SLTM: variants seen among roughly 807,000 people sequenced by gnomAD.
SLTM encodes SAFB like transcription modulator, also known as SAFB-like transcription modulator.
Under a neutral mutation model 134.6 loss-of-function variants are expected in SLTM, and 43 were observed. The observed-to-expected ratio is 0.32, with a 90% confidence interval of 0.25 to 0.41. The LOEUF (loss-of-function observed/expected upper bound fraction) is 0.41. Ranked by LOEUF, SLTM falls within the 10% of genes least tolerant of loss-of-function variation. The probability of loss-of-function intolerance (pLI) is 1.00; values close to 1 mark genes in which losing one functional copy is unlikely to be tolerated. For synonymous variants in SLTM, 424 were observed against 432.3 expected, an observed-to-expected ratio of 0.98 and a Z score of 0.24; for missense variants, 1,055 against 1,288.8, an observed-to-expected ratio of 0.82 and a Z score of 2.78.
At chr15:58,915,338 T>C (rs2036560777) in intron 3 of SLTM, among the ~76,000 whole-genome samples, 2 of 152,246 alleles carry the variant, frequency 1.3e-5, no homozygotes, top group Non-Finnish European at 2.9e-5. Context: ...TTCGTCTCAA[T>C]AGACGTATAT....
rs1407048138 is a variant in SLTM, at chr15:58,879,793, T to G, written c.*206A>C. The G allele has an allele frequency of 5.2e-6, 3 of 571,546 alleles. No homozygotes were observed. Among genetic ancestry groups the G allele is most frequent in the Non-Finnish European group, 8.4e-6 (3 of 358,476 alleles). The allele number at this position is 571,546 out of a possible 1,614,324, so 35.4% of individuals were successfully genotyped here. ...GCCTCGGTGCTGCAAGAAAAAAAGT[T>G]GAATGATACACAAAACTATTAAAAG... On this transcript the variant is annotated 3_prime_UTR_variant, in exon 21 of 21. Transcript: ENST00000380516.
chr15:58,908,212 C>A (rs1390315007), intron 5 of SLTM, among the ~76,000 whole-genome samples: 1 of 151,758 alleles, frequency 6.6e-6, no homozygotes, highest in African/African-American at 2.4e-5. Flanking sequence ...AGGTGTGCAC[C>A]ACCACACCCA....
At chr15:58,883,852 C>G (rs957157695) in intron 19 of SLTM, 66 bp from the exon 20 acceptor site, 2 of 1,557,040 alleles carry the variant, frequency 1.3e-6, no homozygotes, top group Non-Finnish European at 1.8e-6. Context: ...AATCTCAGCA[C>G]TTTGGGAGGC....
chr15:58,879,444 G>A lies in SLTM; in HGVS notation c.*555C>T, dbSNP rs1336637237. ...TTTAGCAACTATACAGAATATGAAG[G>A]TTTATTTCAAAAAAGATTACATTTT... On this transcript the variant is annotated 3_prime_UTR_variant, in exon 21 of 21. Coordinates refer to ENST00000380516, the MANE Select transcript of SLTM (RefSeq NM_024755.4). 2.0e-5 allele frequency: 3 copies of A among 152,334 alleles called. No individual in the cohort carries two copies. In the East Asian group the frequency reaches 5.8e-4, roughly 29 times the overall value. The allele number at this position is 152,334 out of a possible 1,614,324, so 9.4% of individuals were successfully genotyped here.
chr15:58,896,156 C>G (rs1036565438), intron 9 of SLTM, among the ~76,000 whole-genome samples: 20 of 152,136 alleles, frequency 1.3e-4, no homozygotes, highest in Non-Finnish European at 2.6e-4. Flanking sequence ...TTAGGTCTCC[C>G]CTTAACTGCC....
Position 58,887,887 on chromosome 15 carries a change from A to AG in SLTM, c.2376-348dup, listed in dbSNP as rs543948661. ...AAGAAGAGGCGGGGAGTGGTGGCTC[A>AG]GGCCTGTAATCTCAGCACTTTGGAA... On this transcript the variant is annotated intron_variant, in intron 17 of 20. Transcript: ENST00000380516. 2.0e-5 allele frequency among the ~76,000 whole-genome samples: 3 copies of AG among 152,286 alleles called. No homozygotes were observed. The South Asian group carries it at 6.2e-4, about 32-fold the overall frequency.
chr15:58,932,697 T>C (rs73430548), intron 1 of SLTM, among the ~76,000 whole-genome samples: 2 of 152,128 alleles, frequency 1.3e-5, no homozygotes, highest in African/African-American at 4.8e-5. Flanking sequence ...AAATATCACA[T>C]CATACTGGCC....
At chr15:58,894,402 C>CTT (rs1285663543) in intron 10 of SLTM, 31 bp downstream of exon 10, 1 of 1,612,328 alleles carries the variant, frequency 6.2e-7, no homozygotes, top group Non-Finnish European at 8.5e-7. Context: ...TCAAATTAGA[C>CTT]TTGCTTTGAT....
intron 5 of SLTM, among the ~76,000 whole-genome samples, chr15:58,901,882 C>G (rs2141040487): frequency 6.6e-6 from 1 of 151,352 alleles, no homozygotes; most frequent in South Asian, 2.1e-4. Context: ...CAGAGTAAAT[C>G]CCTGTCTCAA....
intron 15 of SLTM, chr15:58,890,025 T>C (rs1289831200): frequency 6.0e-6 from 3 of 500,074 alleles, no homozygotes; most frequent in Non-Finnish European, 1.1e-5. Context: ...TCTGGACTCA[T>C]AGTCCTATGC....
chr15:58,887,369 C>T lies in SLTM; in HGVS notation c.2547G>A (p.Glu849=), dbSNP rs144330527. 6.2e-7 allele frequency: 1 copy of T among 1,613,838 alleles called. No individual in the cohort carries two copies. Among genetic ancestry groups the T allele is most frequent in the African/African-American group, 1.3e-5 (1 of 74,858 alleles). The change falls in exon 18 of 21, where the codon GAG becomes GAA. Residue 849 remains glutamate, a synonymous_variant. Transcript: ENST00000380516. ...TAATCACCGTTCTCCTTTCGTCTCG[C>T]TCCCCTCGTACTTCTCGCCTGTCTG... ...RESDRREVRG[E]RDERRTVIIH... is the part of the protein sequence containing the mutation.
At chr15:58,889,134 A>C (rs2034460344) in intron 16 of SLTM, 1 of 271,882 alleles carries the variant, frequency 3.7e-6, no homozygotes, top group Non-Finnish European at 7.0e-6. Context: ...TACTACCTGC[A>C]CTACCTTTTT....
At chr15:58,933,058 A>T (rs1351556296) in intron 1 of SLTM, among the ~76,000 whole-genome samples, 1 of 152,192 alleles carries the variant, frequency 6.6e-6, no homozygotes, top group Non-Finnish European at 1.5e-5. Context: ...ACCATGGCTA[A>T]AGGCTGGGGA....
At chr15:58,933,039 C>T (rs2037992204) in intron 1 of SLTM, among the ~76,000 whole-genome samples, 1 of 152,216 alleles carries the variant, frequency 6.6e-6, no homozygotes, top group Non-Finnish European at 1.5e-5. Context: ...CCAAGAAATG[C>T]ACACGCTCAC....
At chr15:58,931,260 C>T (rs2037860037) in intron 2 of SLTM, among the ~76,000 whole-genome samples, 1 of 152,154 alleles carries the variant, frequency 6.6e-6, no homozygotes, top group Non-Finnish European at 1.5e-5. Context: ...CCCCACCTCT[C>T]CCAGGGAATG....
At chr15:58,910,862 A>G (rs1235996189) in intron 5 of SLTM, among the ~76,000 whole-genome samples, 1 of 149,824 alleles carries the variant, frequency 6.7e-6, no homozygotes, top group African/African-American at 2.5e-5. Flanking sequence ...CTCCTGCCTC[A>G]GCCTCCTGAG....
At position 58,913,547 on chromosome 15, in the gene SLTM, T is replaced by C; in HGVS notation, c.465A>G (p.Ile155Met). The change falls in exon 4 of 21, where the codon ATA becomes ATG. Residue 155 changes from isoleucine to methionine, a missense_variant. Physicochemically the swap from Ile to Met is conservative, Grantham distance 10. Transcript: ENST00000380516. ...CTATATCTTCTATTCCTTCTGCCTC[T>C]ATTAATTCATGAGCTCTCTTGTTTT... ...AEENKRAHEL[I>M]EAEGIEDIEK... The C allele has an allele frequency of 1.2e-6, 2 of 1,613,252 alleles. No homozygotes were observed. Among genetic ancestry groups the C allele is most frequent in the Non-Finnish European group, 8.5e-7 (1 of 1,179,860 alleles).
intron 2 of SLTM, among the ~76,000 whole-genome samples, chr15:58,923,833 CTG>C (rs2037274694): frequency 9.4e-6 from 1 of 106,352 alleles, no homozygotes; most frequent in South Asian, 3.3e-4. Flanking sequence ...TTTGGAGACA[CTG>C]TCTCGCTCTT....
rs563938312 is a variant in SLTM at position 58,899,494 on chromosome 15, T to C, written c.1033A>G (p.Thr345Ala). The C allele has an allele frequency of 3.1e-6, 5 of 1,614,000 alleles. No homozygotes were observed. In the African/African-American group the frequency reaches 5.3e-5, roughly 17 times the overall value. The part of the protein sequence containing the change: ...KDTLKKGPSS[T>A]GASGQAKSSS... ...CTCTTTGCTTGACCAGAGGCCCCAG[T>C]AGACGAGGGCCCTTTCTTCAAAGTA... Residue 345 changes from threonine to alanine, a missense_variant, in exon 7 of 21, where the codon ACT (threonine) becomes GCT (alanine). By Grantham distance (58) the Thr-to-Ala change is moderately conservative. Coordinates refer to ENST00000380516, the MANE Select transcript of SLTM (RefSeq NM_024755.4). The surrounding 1 kb of genome is among the most constrained non-coding windows in gnomAD (Gnocchi z 5.0).
Sources: gnomAD v4.1 joint callset for allele counts (sites outside exome capture counted in the v4.1 genomes callset) on GRCh38, gnomAD v4.1.1 for gene constraint, Gnocchi (gnomAD v3.1) non-coding constraint, MANE v1.5 for transcripts, NCBI Gene and HGNC (gene_info 2026-07-23, HGNC 2026-07-21) for gene names.